Variants in ADIPOQ observed in about 807,000 individuals in gnomAD.
ADIPOQ encodes the protein adiponectin, C1Q and collagen domain containing.
ADIPOQ carries 19 observed loss-of-function variants against 16.1 expected under a neutral mutation model. The ratio of observed to expected loss-of-function variants is 1.18; its 90% CI spans 0.82 to 1.73. The LOEUF (loss-of-function observed/expected upper bound fraction) is 1.73, where lower values mean the gene tolerates loss of function less well. Ranked by LOEUF, ADIPOQ falls within the 40% of genes most tolerant of loss-of-function variation. ADIPOQ has a pLI of 0.00. For synonymous variants in ADIPOQ, 124 were observed against 125.5 expected, an observed-to-expected ratio of 0.99 and a Z score of 0.08; for missense variants, 323 against 308.3, an observed-to-expected ratio of 1.05 and a Z score of -0.36.
Position 186,854,429 on chromosome 3 carries a change from A to G in ADIPOQ, c.460A>G (p.Ile154Val), listed in dbSNP as rs755265650. The G allele has an allele frequency of 2.5e-6, 4 of 1,614,210 alleles. No homozygotes were observed. The highest frequency in any genetic ancestry group is 1.3e-5 in the African/African-American group (1 of 75,048). ...DGSTGKFHCN[I>V]PGLYYFAYHI... ...CTCCACTGGTAAATTCCACTGCAACATTCCTGGGCTGTACTACTTTGCCTA... is the reference window on the plus strand; with the variant it reads ...CTCCACTGGTAAATTCCACTGCAACGTTCCTGGGCTGTACTACTTTGCCTA... Residue 154 changes from isoleucine to valine, a missense_variant, in exon 3 of 3, where the codon ATT becomes GTT. Transcript: ENST00000320741.
intron 2 of ADIPOQ, among the ~76,000 whole-genome samples, 163 bp downstream of exon 2, chr3:186,853,435 G>A (rs1040040834): frequency 1.3e-5 from 2 of 152,270 alleles, no homozygotes; most frequent in African/African-American, 4.8e-5. Flanking sequence ...TTCCAAGGAT[G>A]AGTGTAGATG....
At chr3:186,848,722 G>T (rs952472222) in intron 1 of ADIPOQ, among the ~76,000 whole-genome samples, 1 of 152,082 alleles carries the variant, frequency 6.6e-6, no homozygotes, top group Non-Finnish European at 1.5e-5. Context: ...AGATGCTAGC[G>T]ACAGAGCAAG....
chr3:186,848,167 C>A, intron 1 of ADIPOQ, among the ~76,000 whole-genome samples: 1 of 73,592 alleles, frequency 1.4e-5, no homozygotes, highest in African/African-American at 7.2e-5. Flanking sequence ...AGCGAGACTC[C>A]ACTTCAGAAA....
chr3:186,854,907 A>G lies in ADIPOQ; in HGVS notation c.*203A>G. On this transcript the variant is annotated 3_prime_UTR_variant, in exon 3 of 3. Coordinates refer to ENST00000320741, the MANE Select transcript of ADIPOQ (RefSeq NM_004797.4). ...TTCCCAGTCCTGGGGAGCTTCACAA[A>G]CATGACCAGATAACTGACTAGAAAG... 1.4e-6 allele frequency: 1 copy of G among 723,326 alleles called. No homozygotes were observed. Among genetic ancestry groups the G allele is most frequent in the Non-Finnish European group, 2.2e-6 (1 of 449,176 alleles). 44.8% of individuals were successfully genotyped at this position (723,326 alleles called of 1,614,324 possible). A position where few individuals can be genotyped will look rare whatever the true frequency, so the allele number is the denominator to read the frequency against.
At chr3:186,843,080 C>T (rs1032189907) in intron 1 of ADIPOQ, among the ~76,000 whole-genome samples, 7 of 152,124 alleles carry the variant, frequency 4.6e-5, no homozygotes, top group African/African-American at 7.2e-5. Flanking sequence ...AAGTCCAATT[C>T]GATTAAGGGG....
chr3:186,851,051 GC>G (rs1711749419), intron 1 of ADIPOQ, among the ~76,000 whole-genome samples: 1 of 152,114 alleles, frequency 6.6e-6, no homozygotes, highest in South Asian at 2.1e-4. Context: ...CAGATACCAG[GC>G]CCATGTTTTT....
At chr3:186,843,853 C>G (rs1285413428) in intron 1 of ADIPOQ, among the ~76,000 whole-genome samples, 1 of 152,088 alleles carries the variant, frequency 6.6e-6, no homozygotes, top group African/African-American at 2.4e-5. Context: ...CTGAGGCATC[C>G]TGGTTGTTTT....
chr3:186,848,040 G>T (rs1221788063), intron 1 of ADIPOQ, among the ~76,000 whole-genome samples: 1 of 152,008 alleles, frequency 6.6e-6, no homozygotes, highest in Non-Finnish European at 1.5e-5. Flanking sequence ...AGGTGTGGTC[G>T]TGGATTCCTG....
At chr3:186,843,627 T>C (rs754131518) in intron 1 of ADIPOQ, among the ~76,000 whole-genome samples, 11 of 145,714 alleles carry the variant, frequency 7.5e-5, no homozygotes, top group Middle Eastern at 7.2e-3. Context: ...TGCCACTGCA[T>C]TCCAGCCTGG....
rs753418280 is a variant in ADIPOQ at position 186,853,246 on chromosome 3, G to A, written c.188G>A (p.Gly63Asp). 6.2e-7 allele frequency: 1 copy of A among 1,607,920 alleles called. No individual in the cohort carries two copies. The highest frequency in any genetic ancestry group is 8.5e-7 in the Non-Finnish European group (1 of 1,177,110). ...CGTGATGGCAGAGATGGCACCCCTG[G>A]TGAGAAGGGTGAGAAAGGAGATCCA... ...PGRDGRDGTP[G>D]EKGEKGDPGL... Residue 63 changes from glycine (G) to aspartate (D), a missense_variant, in exon 2 of 3, where the codon GGT becomes GAT. Gly to Asp is a moderately conservative substitution (Grantham distance 94). Coordinates refer to ENST00000320741, the MANE Select transcript of ADIPOQ (RefSeq NM_004797.4).
intron 1 of ADIPOQ, 161 bp from the exon 2 acceptor site, chr3:186,852,890 G>T: frequency 3.0e-6 from 2 of 673,206 alleles, no homozygotes; most frequent in South Asian, 1.9e-5. Flanking sequence ...ATCAAGGTGG[G>T]CTGCAATATT....
chr3:186,854,077 A>C (rs1049020404), intron 2 of ADIPOQ, 107 bp from the exon 3 acceptor site: 6 of 1,205,210 alleles, frequency 5.0e-6, no homozygotes, highest in Non-Finnish European at 6.9e-6. Context: ...TTGATCTATA[A>C]GTCAAGAAGG....
At chr3:186,848,201 AGAAG>A (rs373987417) in intron 1 of ADIPOQ, among the ~76,000 whole-genome samples, 6,806 of 132,032 alleles carry the variant, frequency 0.052, 807 homozygotes, top group African/African-American at 0.17. Flanking sequence ...GAGAGAGAAA[AGAAG>A]GAAGGAAGGA....
rs1711939265 is a variant in ADIPOQ, at chr3:186,854,904, C to T, written c.*200C>T. On this transcript the variant is annotated 3_prime_UTR_variant, in exon 3 of 3. Coordinates refer to ENST00000320741, the MANE Select transcript of ADIPOQ (RefSeq NM_004797.4). ...ATGTTCCCAGTCCTGGGGAGCTTCA[C>T]AAACATGACCAGATAACTGACTAGA... The T allele has an allele frequency of 1.4e-6, 1 of 732,950 alleles. No individual in the cohort carries two copies. The highest frequency in any genetic ancestry group is 1.8e-5 in the African/African-American group (1 of 56,392). 45.4% of individuals were successfully genotyped at this position (732,950 alleles called of 1,614,324 possible).
At position 186,843,673 on chromosome 3, in the gene ADIPOQ, A is replaced by AG. The variant is rs374917442; in HGVS notation, c.-9+924_-9+925insG. On this transcript the variant is annotated intron_variant, in intron 1 of 2. Transcript: ENST00000320741. ...GAGACTTTGTGTCAAAAAAAAAAAA[A>AG]AAAGAAAGAAAAGAAAAAGAGGCTC... is the stretch of plus-strand genomic sequence containing the variant. 9.2e-4 allele frequency among the ~76,000 whole-genome samples: 140 copies of AG among 151,614 alleles called. 1 individual carries two copies. Among genetic ancestry groups the AG allele is most frequent in the African/African-American group, 3.2e-3 (132 of 41,352 alleles).
intron 1 of ADIPOQ, among the ~76,000 whole-genome samples, chr3:186,850,131 G>A (rs911754883): frequency 1.3e-5 from 2 of 152,010 alleles, no homozygotes; most frequent in Non-Finnish European, 2.9e-5. Context: ...TTAGCTGCGT[G>A]TGGTGGTGCA....
Position 186,843,430 on chromosome 3 carries a change from C to T in ADIPOQ, c.-9+681C>T, listed in dbSNP as rs564392989. Among the ~76,000 whole-genome samples the T allele has an allele frequency of 1.8e-4, 27 of 152,138 alleles. No individual in the cohort carries two copies. In the East Asian group the frequency reaches 4.4e-3, roughly 25 times the overall value. On this transcript the variant is annotated intron_variant, in intron 1 of 2. Transcript: ENST00000320741. ...ATCCCAGCAATTTGGGAGACCGAGGCGGGTGGATCACCTGAGGTCAGGAGT... is the reference window on the plus strand; with the variant it reads ...ATCCCAGCAATTTGGGAGACCGAGGTGGGTGGATCACCTGAGGTCAGGAGT...
intron 1 of ADIPOQ, among the ~76,000 whole-genome samples, chr3:186,844,961 T>C (rs1711543956): frequency 6.6e-6 from 1 of 152,102 alleles, no homozygotes; most frequent in African/African-American, 2.4e-5. Flanking sequence ...GGAATTTCAA[T>C]CAGAAATTCA....
chr3:186,844,635 C>T (rs891252027), intron 1 of ADIPOQ, among the ~76,000 whole-genome samples: 56 of 152,028 alleles, frequency 3.7e-4, no homozygotes, highest in Non-Finnish European at 2.9e-4. Flanking sequence ...CCTCGATTTC[C>T]CAGGCTCAAG....
Sources: gnomAD v4.1 joint callset for allele counts (sites outside exome capture counted in the v4.1 genomes callset) on GRCh38, gnomAD v4.1.1 for gene constraint, MANE v1.5 for transcripts, NCBI Gene and HGNC (gene_info 2026-07-23, HGNC 2026-07-21) for gene names.